SRGAP3: variants seen among roughly 807,000 people sequenced by gnomAD.
The protein encoded by SRGAP3 is SLIT-ROBO Rho GTPase activating protein 3.
In SRGAP3, 39 loss-of-function variants were observed where a neutral mutation model predicts 121.1. The ratio of observed to expected loss-of-function variants is 0.32; its 90% CI spans 0.25 to 0.42. The LOEUF (loss-of-function observed/expected upper bound fraction) is 0.42, where lower values mean the gene tolerates loss of function less well. SRGAP3 is among the 10% of genes least tolerant of loss of function. The pLI is 1.00. For missense variants in SRGAP3, 1,213 were observed against 1,470.6 expected, an observed-to-expected ratio of 0.82 and a Z score of 2.86; for synonymous variants, 601 against 570.0, an observed-to-expected ratio of 1.05 and a Z score of -0.77.
chr3:9,188,626 A>C (rs1239529695), intron 1 of SRGAP3, among the ~76,000 whole-genome samples: 2 of 152,232 alleles, frequency 1.3e-5, no homozygotes, highest in African/African-American at 4.8e-5. Context: ...TGCTGGAGAA[A>C]GCTCAGAGCA....
chr3:9,059,836 C>T (rs992802411), intron 6 of SRGAP3: 13 of 310,346 alleles, frequency 4.2e-5, no homozygotes, highest in Admixed American at 8.7e-5. Context: ...GCCCTAGGGG[C>T]GCCAAACATT....
chr3:9,228,347 A>G (rs541317726), intron 1 of SRGAP3, among the ~76,000 whole-genome samples: 1 of 152,350 alleles, frequency 6.6e-6, no homozygotes, highest in African/African-American at 2.4e-5. Flanking sequence ...AGATATTTAA[A>G]TGAAGTTGCC....
At chr3:9,119,234 C>G (rs899550302) in intron 2 of SRGAP3, among the ~76,000 whole-genome samples, 2 of 152,214 alleles carry the variant, frequency 1.3e-5, no homozygotes, top group African/African-American at 4.8e-5. Flanking sequence ...TCCTCCATTC[C>G]TCTCTGAGAG....
At chr3:9,191,020 C>T (rs1951736787) in intron 1 of SRGAP3, among the ~76,000 whole-genome samples, 1 of 152,192 alleles carries the variant, frequency 6.6e-6, no homozygotes, top group Non-Finnish European at 1.5e-5. Flanking sequence ...TCCCTTACTC[C>T]ATCCCTACCC....
At chr3:8,995,315 AT>A (rs1553634821) in intron 18 of SRGAP3, among the ~76,000 whole-genome samples, 3 of 151,718 alleles carry the variant, frequency 2.0e-5, no homozygotes, top group African/African-American at 4.8e-5. Flanking sequence ...CCAAAAAAAA[AT>A]TTTTTTTTAA....
At chr3:9,316,974 A>G (rs1437923852) in intron 3 of SRGAP3, among the ~76,000 whole-genome samples, 1 of 152,194 alleles carries the variant, frequency 6.6e-6, no homozygotes, top group East Asian at 1.9e-4. Flanking sequence ...AGAGAGGCAG[A>G]GAATTCAATT....
At chr3:9,126,297 T>C (rs1949224033) in intron 1 of SRGAP3, among the ~76,000 whole-genome samples, 1 of 152,160 alleles carries the variant, frequency 6.6e-6, no homozygotes, top group Non-Finnish European at 1.5e-5. Flanking sequence ...TCCCAAAATG[T>C]CGAGACATCT....
intron 7 of SRGAP3, among the ~76,000 whole-genome samples, chr3:9,057,174 C>T (rs894648760): frequency 3.3e-5 from 5 of 152,082 alleles, no homozygotes; most frequent in Non-Finnish European, 5.9e-5. Context: ...AGTGATCCAC[C>T]CATCTCGGCC....
intron 3 of SRGAP3, chr3:9,256,655 C>T (rs751752804): frequency 5.1e-6 from 2 of 395,186 alleles, no homozygotes; most frequent in Non-Finnish European, 4.5e-6. Flanking sequence ...TCCAGCCATC[C>T]ACTCCCCATC....
rs1275922856 is a variant in SRGAP3 at position 9,203,771 on chromosome 3, T to G, written c.67+45114A>C. On this transcript the variant is annotated intron_variant, in intron 1 of 21. Coordinates refer to ENST00000383836, the MANE Select transcript of SRGAP3 (RefSeq NM_014850.4). The stretch of plus-strand genomic sequence containing the variant: ...TTGGGAACTAATTAAGTAATAAAGC[T>G]AGGTGCTACAGAAAAAGCAAAGGTA... Among the ~76,000 whole-genome samples the G allele has an allele frequency of 1.3e-4, 20 of 152,230 alleles. 1 individual carries two copies. The highest frequency in any genetic ancestry group is 1.9e-4 in the Non-Finnish European group (13 of 68,046).
chr3:9,015,690 T>C lies in SRGAP3; in HGVS notation c.1720A>G (p.Asn574Asp), dbSNP rs754112241. The stretch of plus-strand genomic sequence containing the variant: ...AGTTTTAAAACACCAGCGACTGAAT[T>C]GATATCTCGTTCATTTTGATCGTCC... ...LVDDQNERDI[N>D]SVAGVLKLYF... is the part of the protein sequence containing the mutation. Residue 574 changes from asparagine to aspartate, a missense_variant, in exon 15 of 22, where the codon AAT becomes GAT. Physicochemically the swap from Asn to Asp is conservative, Grantham distance 23. Coordinates refer to ENST00000383836, the MANE Select transcript of SRGAP3 (RefSeq NM_014850.4). 6.2e-7 allele frequency: 1 copy of C among 1,614,202 alleles called. No individual in the cohort carries two copies. Among genetic ancestry groups the C allele is most frequent in the South Asian group, 1.1e-5 (1 of 91,084 alleles).
intron 8 of SRGAP3, 91 bp from the exon 9 acceptor site, chr3:9,053,315 T>A (rs1057464901): frequency 2.3e-6 from 3 of 1,294,214 alleles, no homozygotes; most frequent in Admixed American, 3.9e-5. Context: ...CTTTACTTCT[T>A]CCATATGAAG....
intron 1 of SRGAP3, among the ~76,000 whole-genome samples, chr3:9,357,276 T>A (rs886217863): frequency 4.6e-5 from 7 of 152,162 alleles, no homozygotes; most frequent in Non-Finnish European, 1.0e-4. Flanking sequence ...TAATTGATAA[T>A]GGGATCTCAC....
chr3:9,245,188 CT>C (rs36082371), intron 1 of SRGAP3, among the ~76,000 whole-genome samples: 17,494 of 152,202 alleles, frequency 0.11, 1,151 homozygotes, highest in East Asian at 0.21. Flanking sequence ...ATTGAAAAAT[CT>C]GTCTGGGCCT....
At chr3:9,268,543 C>T (rs903593865) in intron 3 of SRGAP3, among the ~76,000 whole-genome samples, 6 of 152,090 alleles carry the variant, frequency 3.9e-5, no homozygotes, top group Non-Finnish European at 8.8e-5. Flanking sequence ...ACTAAGACAG[C>T]ATCATTCTAG....
intron 1 of SRGAP3, among the ~76,000 whole-genome samples, chr3:9,229,256 G>C (rs574293354): frequency 6.6e-6 from 1 of 152,160 alleles, no homozygotes; most frequent in Non-Finnish European, 1.5e-5. Context: ...TTCAGTCTGG[G>C]TGGGTCCAGA....
At chr3:8,986,670 T>C (rs1206183884) in intron 21 of SRGAP3, among the ~76,000 whole-genome samples, 1 of 152,240 alleles carries the variant, frequency 6.6e-6, no homozygotes, top group Admixed American at 6.5e-5. Context: ...TATCAGAATG[T>C]TCACAGCGCA....
In SRGAP3 at chr3:9,026,925, T is replaced by C. The variant is rs982883868; in HGVS notation, c.1600+10A>G. The C allele has an allele frequency of 7.4e-6, 12 of 1,614,142 alleles. No individual in the cohort carries two copies. Among genetic ancestry groups the C allele is most frequent in the Middle Eastern group, 3.3e-4 (2 of 6,062 alleles). On this transcript the variant is annotated intron_variant, in intron 13 of 21. Transcript: ENST00000383836. ...GATTGCTGAAAACACTGGCCCAAGA[T>C]CCAGCTTACCATATAAATTGATGTA...
intron 1 of SRGAP3, among the ~76,000 whole-genome samples, chr3:9,232,046 C>T (rs775886773): frequency 4.6e-5 from 7 of 152,214 alleles, no homozygotes; most frequent in Non-Finnish European, 1.0e-4. Context: ...ACTCTTCTAC[C>T]CATATTTCAA....
Sources: allele counts gnomAD v4.1 joint callset (sites outside exome capture counted in the v4.1 genomes callset), GRCh38; gene constraint gnomAD v4.1.1; transcripts MANE v1.5; gene names NCBI Gene and HGNC (gene_info 2026-07-23, HGNC 2026-07-21).